Variants in TTC7A observed in about 807,000 individuals in gnomAD.
TTC7A encodes tetratricopeptide repeat domain 7A.
TTC7A carries 110 observed loss-of-function variants against 103.7 expected under a neutral mutation model. The ratio of observed to expected loss-of-function variants is 1.06; its 90% CI spans 0.91 to 1.24. The LOEUF (loss-of-function observed/expected upper bound fraction) is 1.24. Among genes scored for constraint, TTC7A ranks in the 50% most tolerant of loss-of-function variants. The pLI, the probability that TTC7A is intolerant of heterozygous loss-of-function variation, is 0.00. For missense variants in TTC7A, 1,340 were observed against 1,116.3 expected (o/e 1.20, Z -2.86); for synonymous variants, 521 against 467.9 (o/e 1.11, Z -1.47).
chr2:47,033,709 C>T (rs575408501), intron 15 of TTC7A, among the ~76,000 whole-genome samples: 2 of 152,196 alleles, frequency 1.3e-5, no homozygotes, highest in African/African-American at 4.8e-5. Flanking sequence ...TTGTGAGACT[C>T]AGGAGAGGGC....
chr2:47,043,006 G>A (rs747199143), intron 15 of TTC7A, among the ~76,000 whole-genome samples: 12 of 152,126 alleles, frequency 7.9e-5, no homozygotes, highest in Admixed American at 2.6e-4. Context: ...CCACAGCTTC[G>A]ATTCCCCCTG....
At chr2:46,983,178 A>G (rs569873350) in intron 5 of TTC7A, among the ~76,000 whole-genome samples, 20 of 152,152 alleles carry the variant, frequency 1.3e-4, no homozygotes, top group African/African-American at 4.8e-4. Flanking sequence ...GAATATGTGG[A>G]TGTGGAGGCT....
intron 18 of TTC7A, among the ~76,000 whole-genome samples, chr2:47,059,260 A>T (rs1683578433): frequency 6.6e-6 from 1 of 151,574 alleles, no homozygotes; most frequent in African/African-American, 2.4e-5. Flanking sequence ...TGACCTCGTG[A>T]TCTACCCGCC....
At chr2:47,059,107 C>T (rs1175341010) in intron 18 of TTC7A, among the ~76,000 whole-genome samples, 7 of 150,092 alleles carry the variant, frequency 4.7e-5, no homozygotes, top group East Asian at 2.0e-4. Flanking sequence ...CCACAACCTC[C>T]GCCTCCCAGA....
At chr2:46,927,156 G>A (rs1003876969) in intron 2 of TTC7A, among the ~76,000 whole-genome samples, 1 of 151,800 alleles carries the variant, frequency 6.6e-6, no homozygotes, top group African/African-American at 2.4e-5. Flanking sequence ...CAGGAGGAGA[G>A]GAGAGAATGA....
intron 2 of TTC7A, among the ~76,000 whole-genome samples, chr2:46,925,055 T>C (rs955159508): frequency 2.0e-5 from 3 of 152,254 alleles, no homozygotes; most frequent in Non-Finnish European, 4.4e-5. Flanking sequence ...GCTGCTGCCA[T>C]TCAGCTTTCA....
chr2:46,968,336 C>A (rs1226618359), intron 3 of TTC7A, among the ~76,000 whole-genome samples: 2 of 152,224 alleles, frequency 1.3e-5, no homozygotes, highest in Non-Finnish European at 2.9e-5. Context: ...GTGTTACAAC[C>A]CTCCGATGCC....
intron 11 of TTC7A, among the ~76,000 whole-genome samples, chr2:47,019,837 TTGAA>T (rs1332182194): frequency 6.6e-6 from 1 of 152,188 alleles, no homozygotes; most frequent in Non-Finnish European, 1.5e-5. Flanking sequence ...CTTTTTCTGT[TTGAA>T]TGGAGCCTCA....
intron 18 of TTC7A, among the ~76,000 whole-genome samples, chr2:47,057,031 C>A (rs950667279): frequency 6.6e-6 from 1 of 152,226 alleles, no homozygotes; most frequent in Admixed American, 6.5e-5. Flanking sequence ...CTGGCAGCCA[C>A]GGCCAGGCTG....
At chr2:47,010,152 A>T (rs1238659192) in intron 10 of TTC7A, among the ~76,000 whole-genome samples, 1 of 152,136 alleles carries the variant, frequency 6.6e-6, no homozygotes, top group Non-Finnish European at 1.5e-5. Flanking sequence ...ATCACTTGGT[A>T]TTTAAAATGC....
chr2:46,994,374 G>A lies in TTC7A; in HGVS notation c.861G>A (p.Leu287=). The A allele has an allele frequency of 1.2e-6, 2 of 1,613,226 alleles. No individual in the cohort carries two copies. Among genetic ancestry groups the A allele is most frequent in the Admixed American group, 1.7e-5 (1 of 59,930 alleles). The change falls in exon 7 of 20, where the codon CTG becomes CTA. Residue 287 remains leucine, a synonymous_variant. Coordinates refer to ENST00000319190, the MANE Select transcript of TTC7A (RefSeq NM_020458.4). ...QNFKVMAAKH[L]AGVLLHSLSE... ...TCTGCCAGATGGCGGCCAAGCACCT[G>A]GCGGGGGTCCTGCTGCACTCCCTGA...
intron 8 of TTC7A, among the ~76,000 whole-genome samples, chr2:46,999,176 CCATT>C (rs1257270317): frequency 6.6e-6 from 1 of 152,102 alleles, no homozygotes; most frequent in African/African-American, 2.4e-5. Flanking sequence ...ACCCATTAAT[CCATT>C]CATCCACCAT....
intron 1 of TTC7A, among the ~76,000 whole-genome samples, chr2:46,943,872 A>G (rs138182492): frequency 1.4e-4 from 22 of 152,312 alleles, no homozygotes; most frequent in Non-Finnish European, 3.1e-4. Flanking sequence ...GCGGTGTCTG[A>G]TATTTCCTAC....
At chr2:47,061,516 C>T (rs1215283370) in intron 19 of TTC7A, among the ~76,000 whole-genome samples, 3 of 152,140 alleles carry the variant, frequency 2.0e-5, no homozygotes, top group Admixed American at 6.5e-5. Flanking sequence ...CTAAGAGGAT[C>T]CAGTAGCCCC....
intron 15 of TTC7A, among the ~76,000 whole-genome samples, chr2:47,030,531 G>A (rs541142778): frequency 6.6e-6 from 1 of 152,190 alleles, no homozygotes; most frequent in African/African-American, 2.4e-5. Context: ...CTAAAGAAAG[G>A]TGCTTTGGGA....
rs746346812 is a variant in TTC7A, at chr2:47,046,378, C to A, written c.1866C>A (p.Thr622=). The change falls in exon 16 of 20, where the codon ACC becomes ACA. Residue 622 remains threonine (T), a synonymous_variant. Coordinates refer to ENST00000319190, the MANE Select transcript of TTC7A (RefSeq NM_020458.4). ...VLKGPEEALV[T]CRQVLRLWQT... The stretch of plus-strand genomic sequence containing the variant: ...AAGGCCCAGAGGAAGCCCTCGTGAC[C>A]TGCAGACAAGTGCTGAGGCTGTGGC... 2 of 1,614,212 alleles carry A rather than the reference C, an allele frequency of 1.2e-6. No individual in the cohort carries two copies. The highest frequency in any genetic ancestry group is 3.3e-5 in the Admixed American group (2 of 60,032).
intron 2 of TTC7A, among the ~76,000 whole-genome samples, chr2:46,932,170 GAC>G (rs1038002878): frequency 4.9e-4 from 73 of 148,376 alleles, no homozygotes; most frequent in African/African-American, 1.5e-3. Flanking sequence ...TTTTTTTTGA[GAC>G]AGAGTCTTGC....
At chr2:46,971,228 T>C (rs977864825) in intron 3 of TTC7A, among the ~76,000 whole-genome samples, 17 of 152,166 alleles carry the variant, frequency 1.1e-4, no homozygotes, top group Admixed American at 3.3e-4. Flanking sequence ...GAGTCAGGAA[T>C]ATGTATAGAC....
At chr2:46,954,851 G>A (rs1460149397) in intron 2 of TTC7A, among the ~76,000 whole-genome samples, 4 of 152,150 alleles carry the variant, frequency 2.6e-5, no homozygotes, top group Non-Finnish European at 4.4e-5. Flanking sequence ...GATTACAGGC[G>A]TGAGCCACCG....
Sources: gnomAD v4.1 joint callset for allele counts (sites outside exome capture counted in the v4.1 genomes callset) on GRCh38, gnomAD v4.1.1 for gene constraint, MANE v1.5 for transcripts, NCBI Gene and HGNC (gene_info 2026-07-23, HGNC 2026-07-21) for gene names.